The following DCTD variants were observed in gnomAD, a reference collection of about 807,000 sequenced individuals.
The protein encoded by DCTD is dCMP deaminase.
A neutral mutation model predicts 21.0 loss-of-function variants in DCTD; 23 were observed. That is an observed-to-expected ratio of 1.09 (90% CI 0.79 to 1.55). The LOEUF (loss-of-function observed/expected upper bound fraction) is 1.55. Among genes scored for constraint, DCTD ranks in the 40% most tolerant of loss-of-function variants. DCTD has a pLI of 0.00. For synonymous variants in DCTD, 71 were observed against 81.1 expected, an observed-to-expected ratio of 0.88 and a Z score of 0.67; for missense variants, 224 against 230.0, an observed-to-expected ratio of 0.97 and a Z score of 0.17.
chr4:182,897,889 C>T (rs951331343), intron 3 of DCTD, among the ~76,000 whole-genome samples: 8 of 152,204 alleles, frequency 5.3e-5, no homozygotes, highest in Non-Finnish European at 5.9e-5. Context: ...ACCTTTGTGG[C>T]TGACACTCGT....
At chr4:182,894,860 G>T (rs923129649) in intron 3 of DCTD, among the ~76,000 whole-genome samples, 1 of 152,212 alleles carries the variant, frequency 6.6e-6, no homozygotes, top group Non-Finnish European at 1.5e-5. Context: ...CACCCTAAGC[G>T]CAGCTCCGCT....
At chr4:182,894,868 G>C (rs1205485660) in intron 3 of DCTD, among the ~76,000 whole-genome samples, 1 of 152,214 alleles carries the variant, frequency 6.6e-6, no homozygotes, top group African/African-American at 2.4e-5. Flanking sequence ...GCGCAGCTCC[G>C]CTTCACGGCT....
intron 3 of DCTD, among the ~76,000 whole-genome samples, chr4:182,907,789 T>G (rs1736981542): frequency 6.6e-6 from 1 of 152,132 alleles, no homozygotes; most frequent in South Asian, 2.1e-4. Context: ...TATTTTTCCT[T>G]GGAATAAGAG....
chr4:182,917,451 C>T (rs1239299439), upstream of DCTD: 6 of 390,668 alleles, frequency 1.5e-5, no homozygotes, highest in African/African-American at 2.3e-5. The surrounding 1 kb of genome is among the most constrained non-coding windows in gnomAD (Gnocchi z 4.9). Context: ...CGCAGGACGG[C>T]GGCTGGCCCC....
At position 182,891,313 on chromosome 4, in the gene DCTD, G is replaced by C; in HGVS notation, c.*86C>G. ...CTTTTGCCATACTGGCTAGTAAGAA[G>C]TTATGTGTAACTTCAAGATGAAAGG... On this transcript the variant is annotated 3_prime_UTR_variant, in exon 6 of 6. Transcript: ENST00000438320. The C allele has an allele frequency of 1.2e-5, 11 of 924,190 alleles. No homozygotes were observed. In the South Asian group the frequency reaches 1.4e-4, roughly 11 times the overall value. The allele number at this position is 924,190 out of a possible 1,614,324, so 57.2% of individuals were successfully genotyped here. A position where few individuals can be genotyped will look rare whatever the true frequency, so the allele number is the denominator to read the frequency against.
intron 5 of DCTD, among the ~76,000 whole-genome samples, chr4:182,891,996 T>C (rs1390246158): frequency 2.0e-5 from 3 of 150,118 alleles, no homozygotes; most frequent in Non-Finnish European, 3.0e-5. Context: ...TTTTCACTTG[T>C]TCCTCATTTC....
intron 3 of DCTD, among the ~76,000 whole-genome samples, chr4:182,913,024 T>G (rs1374033593): frequency 2.0e-5 from 3 of 152,232 alleles, no homozygotes; most frequent in Non-Finnish European, 4.4e-5. Context: ...CACAGTTCAA[T>G]GCAGACCTTT....
chr4:182,906,078 C>A (rs1025326164), intron 3 of DCTD, among the ~76,000 whole-genome samples: 2 of 152,082 alleles, frequency 1.3e-5, no homozygotes, highest in African/African-American at 2.4e-5. Context: ...CACCACGTCA[C>A]CTCCCGGCTG....
At chr4:182,916,720 T>G (rs979337151) in intron 1 of DCTD, 2 of 1,062,892 alleles carry the variant, frequency 1.9e-6, no homozygotes, top group African/African-American at 3.4e-5. Flanking sequence ...GCTGGAGAAG[T>G]ACCTACTAAA....
At chr4:182,895,247 C>T (rs1015522871) in intron 3 of DCTD, among the ~76,000 whole-genome samples, 1 of 152,086 alleles carries the variant, frequency 6.6e-6, no homozygotes, top group Non-Finnish European at 1.5e-5. Flanking sequence ...TTTTTTGTAT[C>T]TTTTGTAGAG....
chr4:182,892,587 C>T (rs927925382), intron 5 of DCTD, among the ~76,000 whole-genome samples: 1 of 152,010 alleles, frequency 6.6e-6, no homozygotes, highest in East Asian at 1.9e-4. Flanking sequence ...CAGGATCGCA[C>T]CACTGCACTC....
At position 182,915,046 on chromosome 4, in the gene DCTD, T is replaced by G. The variant is rs200811706; in HGVS notation, c.121A>C (p.Ile41Leu). The part of the protein sequence containing the change: ...KDPNSQVGAC[I>L]VNSENKIVGI... ...ACAATCTTGTTTTCTGAATTCACGA[T>G]GCAGGCGCCGACCTAGAAGGAAACA... The change falls in exon 3 of 6, where the codon ATC (isoleucine) becomes CTC (leucine). Residue 41 changes from isoleucine to leucine, a missense_variant. Physicochemically the swap from Ile to Leu is conservative, Grantham distance 5. Coordinates refer to ENST00000438320, the MANE Select transcript of DCTD (RefSeq NM_001921.3). The G allele has an allele frequency of 6.2e-7, 1 of 1,614,102 alleles. No homozygotes were observed. Among genetic ancestry groups the G allele is most frequent in the African/African-American group, 1.3e-5 (1 of 74,934 alleles).
intron 1 of DCTD, chr4:182,917,000 G>T (rs1400152841): frequency 1.5e-5 from 15 of 989,966 alleles, no homozygotes; most frequent in African/African-American, 1.7e-5. Flanking sequence ...ACCCACACAC[G>T]GGCGCAGGAA....
chr4:182,914,918 C>T lies in DCTD; in HGVS notation c.244+5G>A. The T allele has an allele frequency of 6.2e-7, 1 of 1,614,148 alleles. No individual in the cohort carries two copies. Among genetic ancestry groups the T allele is most frequent in the Non-Finnish European group, 8.5e-7 (1 of 1,180,036 alleles). On this transcript the variant is annotated splice_donor_5th_base_variant and intron_variant, in intron 3 of 5. Transcript: ENST00000438320. ...AAGCAGAATGGGACATAAAACTTGC[C>T]CTACCGTACGGGTATTTGGTGTCCA...
At chr4:182,916,415 G>A (rs1738744495) in intron 1 of DCTD, 1 of 985,472 alleles carries the variant, frequency 1.0e-6, no homozygotes, top group Non-Finnish European at 1.2e-6. Flanking sequence ...AACGGGGTGG[G>A]TACCACGGAG....
chr4:182,899,640 A>T (rs1279077386), intron 3 of DCTD, among the ~76,000 whole-genome samples: 2 of 152,042 alleles, frequency 1.3e-5, no homozygotes, highest in Admixed American at 6.5e-5. Context: ...ACCTCAGGTG[A>T]TCCACCTGCC....
At chr4:182,916,456 A>G in intron 1 of DCTD, 1 of 985,654 alleles carries the variant, frequency 1.0e-6, no homozygotes, top group Non-Finnish European at 1.2e-6. Context: ...AATGTGGTCT[A>G]AAGGAAGGCA....
chr4:182,892,594 A>G (rs1733987663), intron 5 of DCTD, among the ~76,000 whole-genome samples: 1 of 151,406 alleles, frequency 6.6e-6, no homozygotes, highest in Admixed American at 6.6e-5. Flanking sequence ...GCACCACTGC[A>G]CTCTAGCCTG....
intron 3 of DCTD, among the ~76,000 whole-genome samples, chr4:182,900,177 A>G (rs937553102): frequency 2.0e-5 from 3 of 152,146 alleles, no homozygotes; most frequent in Non-Finnish European, 4.4e-5. Context: ...TTAGCCAGGT[A>G]TGGTGGCGTG....
Sources: allele counts gnomAD v4.1 joint callset (sites outside exome capture counted in the v4.1 genomes callset), GRCh38; gene constraint gnomAD v4.1.1; non-coding constraint Gnocchi (gnomAD v3.1); transcripts MANE v1.5; gene names NCBI Gene and HGNC (gene_info 2026-07-23, HGNC 2026-07-21).